Variants in SNX29 observed in about 807,000 individuals in gnomAD.
SNX29 encodes the protein sorting nexin-29.
Under a neutral mutation model 102.1 loss-of-function variants are expected in SNX29, and 78 were observed. The observed-to-expected ratio is 0.76, with a 90% confidence interval of 0.64 to 0.92. The LOEUF is 0.92. Ranked by LOEUF, SNX29 falls within the 40% of genes least tolerant of loss-of-function variation. The pLI, the probability that SNX29 is intolerant of heterozygous loss-of-function variation, is 0.00. For synonymous variants in SNX29, 580 were observed against 414.5 expected (o/e 1.40, Z -4.85); for missense variants, 1,280 against 1,061.7 (o/e 1.21, Z -2.86).
intron 19 of SNX29, 147 bp downstream of exon 19, chr16:12,478,006 C>G: frequency 1.1e-6 from 1 of 941,684 alleles, no homozygotes; most frequent in Non-Finnish European, 1.5e-6. Context: ...AAGAAATAGC[C>G]ATTCATAATT....
chr16:12,436,905 G>A (rs576582938), intron 18 of SNX29, among the ~76,000 whole-genome samples: 2 of 152,180 alleles, frequency 1.3e-5, no homozygotes, highest in Admixed American at 6.5e-5. Flanking sequence ...TGCCTGCCTC[G>A]GCCTCCCAAA....
chr16:12,153,115 G>C (rs1288560983), intron 13 of SNX29, among the ~76,000 whole-genome samples: 1 of 152,144 alleles, frequency 6.6e-6, no homozygotes, highest in African/African-American at 2.4e-5. Flanking sequence ...TGTTTAAAAA[G>C]AGCTGGGCAC....
At chr16:12,143,407 G>C (rs768552111) in intron 13 of SNX29, among the ~76,000 whole-genome samples, 1 of 144,326 alleles carries the variant, frequency 6.9e-6, no homozygotes, top group Non-Finnish European at 1.5e-5. Context: ...CTTGAGTCCT[G>C]CTTCTCAGGG....
chr16:12,343,716 AGGGG>A lies in SNX29; in HGVS notation c.1783-12446_1783-12443del, dbSNP rs532846734. Among the ~76,000 whole-genome samples, 144 of 133,042 alleles carry A rather than the reference AGGGG, an allele frequency of 1.1e-3. 1 individual carries two copies. Among genetic ancestry groups the A allele is most frequent in the African/African-American group, 5.6e-3 (138 of 24,456 alleles). The allele number at this position is 133,042 out of a possible 152,430, so 87.3% of individuals were successfully genotyped here. ...ACGAGATAGGGAGCTCTGTGAGGGC[AGGGG>A]CAGGGGCAGGGGCAGGGTCCTTGTC... On this transcript the variant is annotated intron_variant, in intron 15 of 20. Coordinates refer to ENST00000566228, the MANE Select transcript of SNX29 (RefSeq NM_032167.5).
At chr16:12,511,175 G>C (rs1016415153) in intron 19 of SNX29, among the ~76,000 whole-genome samples, 9 of 152,156 alleles carry the variant, frequency 5.9e-5, no homozygotes, top group African/African-American at 2.2e-4. Flanking sequence ...TGAACTGCGG[G>C]ACTAGTTCAT....
intron 15 of SNX29, among the ~76,000 whole-genome samples, chr16:12,313,776 A>G (rs907719125): frequency 1.3e-5 from 2 of 152,188 alleles, no homozygotes; most frequent in African/African-American, 4.8e-5. Flanking sequence ...TGAGTCAGTG[A>G]TTCTGTATGT....
chr16:12,322,192 A>T (rs2080961110), intron 15 of SNX29, among the ~76,000 whole-genome samples: 1 of 152,120 alleles, frequency 6.6e-6, no homozygotes. Flanking sequence ...TAGAACCCAT[A>T]AGGCCAGTCA....
At chr16:12,277,303 G>A (rs1324386351) in intron 14 of SNX29, among the ~76,000 whole-genome samples, 1 of 152,108 alleles carries the variant, frequency 6.6e-6, no homozygotes, top group Non-Finnish European at 1.5e-5. Flanking sequence ...AGGAGGCTGA[G>A]GCAGGAGGAT....
At chr16:12,178,548 T>C (rs2076312730) in intron 13 of SNX29, among the ~76,000 whole-genome samples, 1 of 152,208 alleles carries the variant, frequency 6.6e-6, no homozygotes, top group Non-Finnish European at 1.5e-5. Context: ...TCCGTCATGG[T>C]CCTGGAAAAA....
intron 18 of SNX29, among the ~76,000 whole-genome samples, chr16:12,407,201 G>T (rs79498131): frequency 0.013 from 2,022 of 152,304 alleles, 46 homozygotes; most frequent in African/African-American, 0.046. Context: ...ATGGCTTCCA[G>T]CTCCTTGGAA....
At chr16:12,072,997 G>A (rs893289542) in intron 10 of SNX29, among the ~76,000 whole-genome samples, 18 of 152,172 alleles carry the variant, frequency 1.2e-4, no homozygotes, top group African/African-American at 3.9e-4. Flanking sequence ...TTGTATTTCT[G>A]TGGGATCGGT....
intron 1 of SNX29, among the ~76,000 whole-genome samples, chr16:11,986,702 G>T (rs561632715): frequency 6.6e-6 from 1 of 152,108 alleles, no homozygotes; most frequent in South Asian, 2.1e-4. Flanking sequence ...TCCATTTATG[G>T]TGTTCTAGGA....
intron 3 of SNX29, among the ~76,000 whole-genome samples, chr16:12,025,028 G>A (rs2057148214): frequency 6.6e-6 from 1 of 152,078 alleles, no homozygotes; most frequent in African/African-American, 2.4e-5. Context: ...GAGGCTGGGT[G>A]CAATGGTTCA....
chr16:12,411,939 C>G (rs2084413088), intron 18 of SNX29, among the ~76,000 whole-genome samples: 1 of 152,178 alleles, frequency 6.6e-6, no homozygotes, highest in Non-Finnish European at 1.5e-5. Context: ...CTTGTTGAAT[C>G]AAATGTCTCT....
chr16:12,063,392 T>TTTTTTTTTG (rs2050869606), intron 9 of SNX29, among the ~76,000 whole-genome samples: 1 of 99,912 alleles, frequency 1.0e-5, no homozygotes, highest in Admixed American at 1.1e-4. Context: ...TTTTTTTTTT[T>TTTTTTTTTG]GAGGTGGAGT....
chr16:12,565,223 T>C (rs904182542), intron 20 of SNX29, among the ~76,000 whole-genome samples: 2 of 152,252 alleles, frequency 1.3e-5, no homozygotes, highest in African/African-American at 2.4e-5. Context: ...GCATTACCAG[T>C]ATTAGGCTGT....
At chr16:12,397,471 G>A (rs1341770469) in intron 16 of SNX29, among the ~76,000 whole-genome samples, 2 of 152,198 alleles carry the variant, frequency 1.3e-5, no homozygotes, top group East Asian at 3.8e-4. Flanking sequence ...TGTGAAGCTT[G>A]CTGGGGATTG....
chr16:12,544,858 C>A (rs1219432889), intron 20 of SNX29, among the ~76,000 whole-genome samples: 1 of 152,204 alleles, frequency 6.6e-6, no homozygotes, highest in Non-Finnish European at 1.5e-5. Context: ...CCACATGCAG[C>A]CAGTGTCAAC....
intron 15 of SNX29, among the ~76,000 whole-genome samples, chr16:12,324,389 C>T (rs1309922464): frequency 7.9e-5 from 12 of 151,964 alleles, no homozygotes; most frequent in Admixed American, 4.6e-4. Flanking sequence ...CCAGCTGATT[C>T]TCGCCCTGTG....
Sources: allele counts gnomAD v4.1 joint callset (sites outside exome capture counted in the v4.1 genomes callset), GRCh38; gene constraint gnomAD v4.1.1; transcripts MANE v1.5; gene names NCBI Gene and HGNC (gene_info 2026-07-23, HGNC 2026-07-21).